MYO16: variants seen among roughly 807,000 people sequenced by gnomAD.
MYO16 encodes the protein myosin XVI.
A neutral mutation model predicts 205.3 loss-of-function variants in MYO16; 94 were observed. That is an observed-to-expected ratio of 0.46 (90% CI 0.39 to 0.54). The LOEUF (loss-of-function observed/expected upper bound fraction) is 0.54, where lower values mean the gene tolerates loss of function less well. Among genes scored for constraint, MYO16 ranks in the 20% least tolerant of loss-of-function variants. The pLI, the probability that MYO16 is intolerant of heterozygous loss-of-function variation, is 0.00. For synonymous variants in MYO16, 988 were observed against 954.0 expected (o/e 1.04, Z -0.66); for missense variants, 2,315 against 2,387.5 (o/e 0.97, Z 0.63).
intron 16 of MYO16, among the ~76,000 whole-genome samples, chr13:108,957,383 C>CAAAAAAAAAAAAAAAAAAAAA (rs33954239): frequency 1.0e-5 from 1 of 96,940 alleles, no homozygotes; most frequent in Admixed American, 1.3e-4. Context: ...AACTCCATCT[C>CAAAAAAAAAAAAAAAAAAAAA]AAAAAAAAAA....
At chr13:109,090,619 A>G (rs1888590345) in intron 27 of MYO16, among the ~76,000 whole-genome samples, 1 of 152,202 alleles carries the variant, frequency 6.6e-6, no homozygotes, top group South Asian at 2.1e-4. Flanking sequence ...AGGACAGCAG[A>G]GGAGACCCAC....
intron 16 of MYO16, among the ~76,000 whole-genome samples, chr13:108,933,237 T>C (rs1357463281): frequency 6.6e-6 from 1 of 152,124 alleles, no homozygotes; most frequent in African/African-American, 2.4e-5. Context: ...TGGTAGGAGA[T>C]TAACTTCAAT....
intron 20 of MYO16, among the ~76,000 whole-genome samples, chr13:108,988,831 T>TA (rs1182768576): frequency 6.6e-6 from 1 of 152,188 alleles, no homozygotes; most frequent in Non-Finnish European, 1.5e-5. Flanking sequence ...GGGACCCTGA[T>TA]GTCAGTGGAT....
intron 27 of MYO16, among the ~76,000 whole-genome samples, chr13:109,072,266 T>C (rs1887946730): frequency 6.6e-6 from 1 of 152,138 alleles, no homozygotes. Flanking sequence ...ATGGTAGCAA[T>C]GTCTTTTCCC....
chr13:108,724,137 G>T (rs1459223035), intron 3 of MYO16, among the ~76,000 whole-genome samples: 23 of 151,976 alleles, frequency 1.5e-4, no homozygotes, highest in Non-Finnish European at 2.9e-5. Context: ...AAATATCTTT[G>T]TTTTTTGTAT....
chr13:108,853,147 G>A (rs1478328099), intron 10 of MYO16, among the ~76,000 whole-genome samples: 2 of 152,192 alleles, frequency 1.3e-5, no homozygotes, highest in East Asian at 1.9e-4. Context: ...TTCTATGGTC[G>A]CGCCTCTCTC....
intron 16 of MYO16, among the ~76,000 whole-genome samples, chr13:108,920,402 C>T (rs909307282): frequency 2.7e-4 from 41 of 150,508 alleles, no homozygotes; most frequent in African/African-American, 9.5e-4. Flanking sequence ...TTCCTTCCTT[C>T]CTTCTCTCTC....
At chr13:109,069,290 A>G (rs898385276) in intron 27 of MYO16, among the ~76,000 whole-genome samples, 1 of 152,162 alleles carries the variant, frequency 6.6e-6, no homozygotes, top group African/African-American at 2.4e-5. Flanking sequence ...TCTGAGTTAA[A>G]TGTCCAAAAT....
rs556807055 is a variant in MYO16 at position 108,868,662 on chromosome 13, C to T, written c.1425+2420C>T. ...TTTCAGCTGGGCTCGGTGGCTCACG[C>T]CTGTAATCTCAGCACTTTGAGAAGC... On this transcript the variant is annotated intron_variant, in intron 12 of 34. Transcript: ENST00000457511. Among the ~76,000 whole-genome samples, 553 of 152,024 alleles carry T rather than the reference C, an allele frequency of 3.6e-3. 1 individual carries two copies. Among genetic ancestry groups the T allele is most frequent in the Non-Finnish European group, 5.2e-3 (352 of 67,942 alleles).
Position 108,855,558 on chromosome 13 carries a change from G to A in MYO16, c.1359+5G>A. On this transcript the variant is annotated splice_donor_5th_base_variant and intron_variant, in intron 11 of 34. Coordinates refer to ENST00000457511, the MANE Select transcript of MYO16 (RefSeq NM_001198950.3). Reference sequence around the variant, plus strand: ...TTTGGGAACAATCAGATCTATGTGAGTGCCCTGGAAATTGCCTTTTGCACT... The same window carrying A: ...TTTGGGAACAATCAGATCTATGTGAATGCCCTGGAAATTGCCTTTTGCACT... 1 of 1,537,588 alleles carries A rather than the reference G, an allele frequency of 6.5e-7. No individual in the cohort carries two copies. The highest frequency in any genetic ancestry group is 8.9e-7 in the Non-Finnish European group (1 of 1,122,048).
At chr13:108,616,955 G>A (rs979947127) in intron 1 of MYO16, among the ~76,000 whole-genome samples, 3 of 152,050 alleles carry the variant, frequency 2.0e-5, no homozygotes, top group Non-Finnish European at 4.4e-5. Flanking sequence ...GTATCCCCAA[G>A]ATAAAGTTCA....
At chr13:109,013,062 CCATT>C (rs1885661136) in intron 22 of MYO16, among the ~76,000 whole-genome samples, 1 of 148,500 alleles carries the variant, frequency 6.7e-6, no homozygotes, top group African/African-American at 2.5e-5. Context: ...TTTGCTGCAC[CCATT>C]AACTCATCAT....
intron 5 of MYO16, 40 bp downstream of exon 5, chr13:108,785,783 G>T (rs541878632): frequency 2.3e-6 from 3 of 1,299,084 alleles, no homozygotes; most frequent in Non-Finnish European, 3.3e-6. Context: ...AAAATAGATT[G>T]GGAGAATTGT....
intron 1 of MYO16, among the ~76,000 whole-genome samples, chr13:108,649,529 G>A (rs79656385): frequency 0.059 from 9,013 of 152,150 alleles, 628 homozygotes; most frequent in East Asian, 0.18. Context: ...TGGAGTAGCA[G>A]GAAAATAGGA....
the MYO16 span, among the ~76,000 whole-genome samples, chr13:108,565,042 T>C: frequency 6.6e-6 from 1 of 152,228 alleles, no homozygotes; most frequent in Non-Finnish European, 1.5e-5. Flanking sequence ...CATGCTGTTT[T>C]GGTTATGATG....
chr13:108,534,325 A>G, the MYO16 span, among the ~76,000 whole-genome samples: 32,111 of 152,010 alleles, frequency 0.21, 3,820 homozygotes, highest in East Asian at 0.46. Flanking sequence ...TTTCATCTTC[A>G]CTATCCTAAA....
intron 33 of MYO16, among the ~76,000 whole-genome samples, chr13:109,173,287 T>A (rs150111867): frequency 3.7e-4 from 56 of 152,276 alleles, no homozygotes; most frequent in African/African-American, 1.2e-3. Flanking sequence ...TGAAAATACA[T>A]ACCAAGGAGA....
intron 15 of MYO16, among the ~76,000 whole-genome samples, chr13:108,907,789 TG>T (rs1450647644): frequency 6.6e-6 from 1 of 152,192 alleles, no homozygotes; most frequent in Non-Finnish European, 1.5e-5. Flanking sequence ...CTCCATGATG[TG>T]GAATTTGATT....
intron 16 of MYO16, among the ~76,000 whole-genome samples, chr13:108,915,077 T>C (rs1262669843): frequency 1.3e-5 from 2 of 152,266 alleles, no homozygotes; most frequent in African/African-American, 4.8e-5. Flanking sequence ...GTAAAACTAC[T>C]TTCCTGTTTG....
Sources: allele counts gnomAD v4.1 joint callset (sites outside exome capture counted in the v4.1 genomes callset), GRCh38; gene constraint gnomAD v4.1.1; transcripts MANE v1.5; gene names NCBI Gene and HGNC (gene_info 2026-07-23, HGNC 2026-07-21).